Variants in CDH12 observed in about 807,000 individuals in gnomAD.
The protein encoded by CDH12 is cadherin-12.
Under a neutral mutation model 74.1 loss-of-function variants are expected in CDH12, and 41 were observed. The ratio of observed to expected loss-of-function variants is 0.55; its 90% CI spans 0.43 to 0.72. The LOEUF is 0.72. Ranked by LOEUF, CDH12 falls within the 30% of genes least tolerant of loss-of-function variation. The pLI is 0.00. For missense variants in CDH12, 945 were observed against 977.2 expected (o/e 0.97, Z 0.44); for synonymous variants, 399 against 355.0 (o/e 1.12, Z -1.39).
Position 21,802,292 on chromosome 5 carries a change from G to T in CDH12, c.1131C>A (p.Asp377Glu). The change falls in exon 10 of 15, where the codon GAC becomes GAA. Residue 377 changes from aspartate (D) to glutamate (E), a missense_variant. Asp to Glu is a conservative substitution (Grantham distance 45). Around this residue, in one of 3 missense-constraint regions of CDH12, gnomAD observed 791 missense variants for 792.8 expected, o/e 1.00. Coordinates refer to ENST00000382254, the MANE Select transcript of CDH12 (RefSeq NM_004061.5). ...TGCTGAAAACCGGTGGCTCATCTAC[G>T]TCCAGCACGCTGATCTTCACCGTAG... Reference protein sequence around the residue: ...DTATVKISVLDVDEPPVFSKP... With the variant: ...DTATVKISVLEVDEPPVFSKP... 5 of 1,613,790 alleles carry T rather than the reference G, an allele frequency of 3.1e-6. No individual in the cohort carries two copies. The highest frequency in any genetic ancestry group is 4.2e-6 in the Non-Finnish European group (5 of 1,179,948).
At chr5:22,593,906 A>C (rs535865294) in intron 1 of CDH12, among the ~76,000 whole-genome samples, 1 of 152,328 alleles carries the variant, frequency 6.6e-6, no homozygotes, top group African/African-American at 2.4e-5. Context: ...GATAAATATA[A>C]AATGTCTATT....
chr5:22,718,153 C>T lies in CDH12; in HGVS notation c.-523+134905G>A, dbSNP rs374581943. On this transcript the variant is annotated intron_variant, in intron 1 of 14. Transcript: ENST00000382254. ...CTCAATTATCATTTCCTGAAAAGAACATCAGTTTAGGTATTGAGAAAGTAA... is the reference window on the plus strand; with the variant it reads ...CTCAATTATCATTTCCTGAAAAGAATATCAGTTTAGGTATTGAGAAAGTAA... Among the ~76,000 whole-genome samples, 8 of 152,240 alleles carry T rather than the reference C, an allele frequency of 5.3e-5. No individual in the cohort carries two copies. In the East Asian group the frequency reaches 7.7e-4, roughly 15 times the overall value.
intron 1 of CDH12, among the ~76,000 whole-genome samples, chr5:22,600,749 C>G (rs573012941): frequency 6.6e-6 from 1 of 151,748 alleles, no homozygotes; most frequent in Non-Finnish European, 1.5e-5. Flanking sequence ...TCATCCTTTA[C>G]GTAATTTTAC....
chr5:22,766,337 A>G (rs558532331), intron 1 of CDH12, among the ~76,000 whole-genome samples: 4 of 152,102 alleles, frequency 2.6e-5, no homozygotes, highest in Non-Finnish European at 4.4e-5. Context: ...TTAGAGTTAG[A>G]AAAAAATTAA....
At chr5:22,705,048 A>G (rs555827042) in intron 1 of CDH12, among the ~76,000 whole-genome samples, 1 of 151,582 alleles carries the variant, frequency 6.6e-6, no homozygotes, top group South Asian at 2.1e-4. Context: ...ACACACACGC[A>G]TATATAATGT....
At chr5:22,765,712 C>T (rs1403597539) in intron 1 of CDH12, among the ~76,000 whole-genome samples, 1 of 151,538 alleles carries the variant, frequency 6.6e-6, no homozygotes, top group African/African-American at 2.4e-5. Context: ...TATTGCATGC[C>T]TCTCAAACTT....
At chr5:22,079,002 G>A (rs1000945456) in intron 4 of CDH12, 140 bp from the exon 5 acceptor site, 23 of 223,758 alleles carry the variant, frequency 1.0e-4, no homozygotes, top group Non-Finnish European at 7.3e-5. Flanking sequence ...AACGGTCACC[G>A]CTATTCAACA....
At chr5:22,159,943 G>T (rs1192578189) in intron 4 of CDH12, among the ~76,000 whole-genome samples, 1 of 152,200 alleles carries the variant, frequency 6.6e-6, no homozygotes, top group African/African-American at 2.4e-5. Flanking sequence ...GCATGTGTGT[G>T]CCTGTGTGTG....
At chr5:22,515,759 G>A (rs1198868183) in intron 1 of CDH12, among the ~76,000 whole-genome samples, 2 of 152,008 alleles carry the variant, frequency 1.3e-5, no homozygotes, top group Non-Finnish European at 2.9e-5. Flanking sequence ...GCAATTCTAT[G>A]TAGACTAAGC....
chr5:22,248,016 G>T (rs1344857132), intron 3 of CDH12, among the ~76,000 whole-genome samples: 1 of 152,162 alleles, frequency 6.6e-6, no homozygotes, highest in African/African-American at 2.4e-5. Flanking sequence ...GAATATCTCG[G>T]CCAGGTACAG....
intron 3 of CDH12, among the ~76,000 whole-genome samples, chr5:22,325,806 G>A (rs547061789): frequency 6.6e-6 from 1 of 152,218 alleles, no homozygotes; most frequent in East Asian, 1.9e-4. Context: ...TGCTCGGGAG[G>A]CTGAGGCGGG....
intron 4 of CDH12, among the ~76,000 whole-genome samples, chr5:22,123,864 C>G (rs898005014): frequency 6.6e-6 from 1 of 152,070 alleles, no homozygotes; most frequent in Admixed American, 6.5e-5. Context: ...GCCAAGCTTT[C>G]TTTTATGCCA....
intron 4 of CDH12, among the ~76,000 whole-genome samples, chr5:22,089,525 A>T (rs2150236124): frequency 6.6e-6 from 1 of 152,344 alleles, no homozygotes; most frequent in Non-Finnish European, 1.5e-5. Flanking sequence ...TGAAAATGTT[A>T]TTAAAAAGAT....
intron 6 of CDH12, among the ~76,000 whole-genome samples, chr5:21,880,634 T>C (rs1355908443): frequency 1.1e-4 from 12 of 104,380 alleles, no homozygotes; most frequent in African/African-American, 4.2e-4. Context: ...TTTCTTTCTT[T>C]CTTTCTTTCT....
At chr5:22,534,424 C>G (rs992670457) in intron 1 of CDH12, among the ~76,000 whole-genome samples, 2 of 152,164 alleles carry the variant, frequency 1.3e-5, no homozygotes, top group African/African-American at 4.8e-5. Context: ...TAGCTTAGCT[C>G]CCACTTATGA....
chr5:21,775,386 A>T (rs1249650956), intron 11 of CDH12, among the ~76,000 whole-genome samples: 2 of 152,148 alleles, frequency 1.3e-5, no homozygotes, highest in East Asian at 1.9e-4. Flanking sequence ...GATCCATAGT[A>T]AGCTGGGGGC....
chr5:22,091,344 G>A (rs1046950156), intron 4 of CDH12, among the ~76,000 whole-genome samples: 1 of 149,764 alleles, frequency 6.7e-6, no homozygotes, highest in African/African-American at 2.5e-5. Flanking sequence ...AGGCCTGGCA[G>A]CATACAAGAT....
intron 1 of CDH12, among the ~76,000 whole-genome samples, chr5:22,604,952 A>G (rs1215119689): frequency 1.3e-5 from 2 of 152,208 alleles, no homozygotes; most frequent in Admixed American, 6.5e-5. Flanking sequence ...AGTGGCTGCA[A>G]TGAGACTTCC....
intron 2 of CDH12, among the ~76,000 whole-genome samples, chr5:22,489,669 G>A (rs185710853): frequency 1.6e-4 from 24 of 148,236 alleles, no homozygotes; most frequent in Middle Eastern, 3.6e-3. Context: ...AAACTGCTTT[G>A]TGATGCCTTG....
Sources: allele counts gnomAD v4.1 joint callset (sites outside exome capture counted in the v4.1 genomes callset), GRCh38; gene constraint gnomAD v4.1.1; regional missense constraint gnomAD v4.1.1; transcripts MANE v1.5; gene names NCBI Gene and HGNC (gene_info 2026-07-23, HGNC 2026-07-21).